The following ARHGAP12 variants were observed in gnomAD, a reference collection of about 807,000 sequenced individuals.
ARHGAP12 encodes the protein rho GTPase-activating protein 12.
ARHGAP12 carries 64 observed loss-of-function variants against 108.6 expected under a neutral mutation model. The ratio of observed to expected loss-of-function variants is 0.59; its 90% CI spans 0.48 to 0.73. The LOEUF (loss-of-function observed/expected upper bound fraction) is 0.73. ARHGAP12 is among the 30% of genes least tolerant of loss of function. The pLI, the probability that ARHGAP12 is intolerant of heterozygous loss-of-function variation, is 0.00. For missense variants in ARHGAP12, 940 were observed against 1,005.9 expected (o/e 0.93, Z 0.89); for synonymous variants, 312 against 337.2 (o/e 0.93, Z 0.82).
chr10:31,896,740 T>C (rs1277567115), intron 3 of ARHGAP12, among the ~76,000 whole-genome samples: 3 of 152,186 alleles, frequency 2.0e-5, no homozygotes, highest in East Asian at 3.8e-4. Flanking sequence ...GAAAATCAAC[T>C]GTAGAACTTC....
chr10:31,870,011 TTGC>T (rs1837478663), intron 3 of ARHGAP12, among the ~76,000 whole-genome samples: 1 of 152,232 alleles, frequency 6.6e-6, no homozygotes, highest in Non-Finnish European at 1.5e-5. Flanking sequence ...TATATTTATA[TTGC>T]TGAATAGTAT....
chr10:31,882,040 A>G (rs982470414), intron 3 of ARHGAP12, among the ~76,000 whole-genome samples: 1 of 149,320 alleles, frequency 6.7e-6, no homozygotes, highest in South Asian at 2.1e-4. Flanking sequence ...TCAGCCTCCC[A>G]AGTAGCTGGG....
At chr10:31,857,913 T>C (rs1176037256) in intron 4 of ARHGAP12, among the ~76,000 whole-genome samples, 1 of 152,214 alleles carries the variant, frequency 6.6e-6, no homozygotes, top group East Asian at 1.9e-4. Flanking sequence ...TTTAAAAGCA[T>C]GTACTTATGG....
chr10:31,886,286 ACT>A (rs1838186338), intron 3 of ARHGAP12, among the ~76,000 whole-genome samples: 1 of 152,220 alleles, frequency 6.6e-6, no homozygotes, highest in African/African-American at 2.4e-5. Flanking sequence ...TTTTTTAATG[ACT>A]CTATCAGGAT....
At chr10:31,902,161 C>A (rs1838953977) in intron 3 of ARHGAP12, among the ~76,000 whole-genome samples, 2 of 151,978 alleles carry the variant, frequency 1.3e-5, no homozygotes, top group African/African-American at 4.8e-5. Context: ...GTAAATAAGG[C>A]TGCATGGTAT....
intron 3 of ARHGAP12, among the ~76,000 whole-genome samples, chr10:31,888,888 G>A (rs1838290766): frequency 6.6e-6 from 1 of 151,980 alleles, no homozygotes; most frequent in South Asian, 2.1e-4. Flanking sequence ...TTGGAGAAAA[G>A]ATGGATGGGA....
At chr10:31,837,730 G>C (rs7092454) in intron 9 of ARHGAP12, among the ~76,000 whole-genome samples, 36,327 of 152,094 alleles carry the variant, frequency 0.24, 4,679 homozygotes, top group East Asian at 0.47. Flanking sequence ...TTAGAAAAAT[G>C]AAACAGTATC....
At chr10:31,901,605 C>T (rs1838930993) in intron 3 of ARHGAP12, among the ~76,000 whole-genome samples, 1 of 149,722 alleles carries the variant, frequency 6.7e-6, no homozygotes, top group Non-Finnish European at 1.5e-5. Flanking sequence ...AGGTGCTAAT[C>T]TCAAAACCTC....
chr10:31,865,958 A>C (rs1458190402), intron 3 of ARHGAP12, among the ~76,000 whole-genome samples: 1 of 152,170 alleles, frequency 6.6e-6, no homozygotes, highest in African/African-American at 2.4e-5. Flanking sequence ...AAGCATACAG[A>C]GTAAGTGCAA....
chr10:31,915,110 GGC>G (rs139516838), intron 1 of ARHGAP12, among the ~76,000 whole-genome samples: 3,316 of 152,322 alleles, frequency 0.022, 132 homozygotes, highest in African/African-American at 0.076. Context: ...GCTGAGGCCA[GGC>G]GCAGTGGCTC....
intron 1 of ARHGAP12, among the ~76,000 whole-genome samples, chr10:31,916,913 C>T (rs1438193826): frequency 6.6e-6 from 1 of 152,008 alleles, no homozygotes; most frequent in East Asian, 1.9e-4. Context: ...CCACGCCCAG[C>T]CGAAACATAA....
chr10:31,810,524 TCTTAGG>T, intron 16 of ARHGAP12, 119 bp downstream of exon 16: 1 of 624,328 alleles, frequency 1.6e-6, no homozygotes, highest in African/African-American at 1.9e-5. Flanking sequence ...TTTCTTAACA[TCTTAGG>T]ACTATAAGGA....
In ARHGAP12 at chr10:31,809,045, G is replaced by T; in HGVS notation, c.2212C>A (p.Pro738Thr). 1 of 1,605,710 alleles carries T rather than the reference G, an allele frequency of 6.2e-7. No homozygotes were observed. Among genetic ancestry groups the T allele is most frequent in the Admixed American group, 1.7e-5 (1 of 59,856 alleles). Residue 738 changes from proline to threonine, a missense_variant, in exon 18 of 20, where the codon CCA (proline) becomes ACA (threonine). Physicochemically the swap from Pro to Thr is conservative, Grantham distance 38 (BLOSUM62 -1). Coordinates refer to ENST00000344936, the MANE Select transcript of ARHGAP12 (RefSeq NM_018287.7). ...GALKMFFRELPEPLFTFNHFN... is the reference protein window; with the variant it reads ...GALKMFFRELTEPLFTFNHFN... Reference sequence around the variant, plus strand: ...TGATTAAATGTAAAAAGAGGTTCTGGTAATTCTCGAAAAAACATTTTGAGG... The same window carrying T: ...TGATTAAATGTAAAAAGAGGTTCTGTTAATTCTCGAAAAAACATTTTGAGG...
intron 4 of ARHGAP12, 115 bp downstream of exon 4, chr10:31,861,280 G>A (rs2132307097): frequency 8.2e-7 from 1 of 1,223,994 alleles, no homozygotes; most frequent in East Asian, 2.4e-5. Context: ...TGATCTTAGA[G>A]ATCACGTGTT....
chr10:31,872,941 G>A (rs945149150), intron 3 of ARHGAP12, among the ~76,000 whole-genome samples: 7 of 151,926 alleles, frequency 4.6e-5, no homozygotes, highest in Non-Finnish European at 1.0e-4. Context: ...GAGATAACCC[G>A]TTCCCAATCA....
At chr10:31,919,810 A>G (rs1412386349) in intron 1 of ARHGAP12, among the ~76,000 whole-genome samples, 1 of 147,626 alleles carries the variant, frequency 6.8e-6, no homozygotes, top group Non-Finnish European at 1.5e-5. Context: ...AAACAAAACC[A>G]AAAAAAACAA....
intron 6 of ARHGAP12, among the ~76,000 whole-genome samples, chr10:31,847,039 T>C (rs1836488198): frequency 6.6e-6 from 1 of 152,042 alleles, no homozygotes; most frequent in Admixed American, 6.6e-5. Flanking sequence ...CAGTACTTGA[T>C]TTTTGGCTCT....
At chr10:31,851,737 T>C (rs1017891122) in intron 6 of ARHGAP12, among the ~76,000 whole-genome samples, 3 of 152,140 alleles carry the variant, frequency 2.0e-5, no homozygotes, top group Non-Finnish European at 4.4e-5. Context: ...TAACATCTAG[T>C]CATTTTTTCT....
chr10:31,868,271 C>T (rs1190091931), intron 3 of ARHGAP12, among the ~76,000 whole-genome samples: 1 of 151,418 alleles, frequency 6.6e-6, no homozygotes, highest in Non-Finnish European at 1.5e-5. Flanking sequence ...CTAAGAAAAG[C>T]AGAAAATAAA....
Sources: allele counts gnomAD v4.1 joint callset (sites outside exome capture counted in the v4.1 genomes callset), GRCh38; gene constraint gnomAD v4.1.1; transcripts MANE v1.5; gene names NCBI Gene and HGNC (gene_info 2026-07-23, HGNC 2026-07-21).